The following SEC31A variants were observed in gnomAD, a reference collection of about 807,000 sequenced individuals.
SEC31A encodes SEC31 homolog A, COPII component, also known as protein transport protein Sec31A.
A neutral mutation model predicts 151.0 loss-of-function variants in SEC31A; 70 were observed. That is an observed-to-expected ratio of 0.46 (90% CI 0.38 to 0.57). The LOEUF is 0.57. SEC31A is among the 20% of genes least tolerant of loss of function. The probability of loss-of-function intolerance (pLI) is 0.00; values close to 1 mark genes in which losing one functional copy is unlikely to be tolerated. For missense variants in SEC31A, 1,330 were observed against 1,471.2 expected (o/e 0.90, Z 1.57); for synonymous variants, 475 against 505.9 (o/e 0.94, Z 0.82).
chr4:82,853,628 T>A lies in SEC31A; in HGVS notation c.2096A>T (p.Glu699Val). The A allele has an allele frequency of 6.2e-7, 1 of 1,605,302 alleles. No individual in the cohort carries two copies. The highest frequency in any genetic ancestry group is 8.5e-7 in the Non-Finnish European group (1 of 1,177,866). ...TTTAGTCCAACATGCAACTAATTTCTCTACATTCCCTGCACAAATATAGCA... is the reference window on the plus strand; with the variant it reads ...TTTAGTCCAACATGCAACTAATTTCACTACATTCCCTGCACAAATATAGCA... ...CLCYICAGNVEKLVACWTKAQ... is the reference protein window; with the variant it reads ...CLCYICAGNVVKLVACWTKAQ... The change falls in exon 18 of 27, where the codon GAG becomes GTG. Residue 699 changes from glutamate to valine, a missense_variant. Physicochemically the swap from Glu to Val is moderately radical, Grantham distance 121. Coordinates refer to ENST00000395310, the MANE Select transcript of SEC31A (RefSeq NM_001077207.4).
At position 82,864,409 on chromosome 4, in the gene SEC31A, C is replaced by G. The variant is rs778153099; in HGVS notation, c.1387G>C (p.Asp463His). The change falls in exon 11 of 27, where the codon GAT (aspartate) becomes CAT (histidine). Residue 463 changes from aspartate to histidine, a missense_variant. Physicochemically the swap from Asp to His is moderately conservative, Grantham distance 81. Transcript: ENST00000395310. ...GFINYCQKKIDASQTEFEKNV... is the reference protein window; with the variant it reads ...GFINYCQKKIHASQTEFEKNV... The stretch of plus-strand genomic sequence containing the variant: ...TTCTCAAATTCAGTCTGAGAAGCAT[C>G]AATTTTTTTTTGGCAATAATTGATA... The G allele has an allele frequency of 6.2e-7, 1 of 1,614,108 alleles. No homozygotes were observed. Among genetic ancestry groups the G allele is most frequent in the South Asian group, 1.1e-5 (1 of 91,074 alleles).
At position 82,863,396 on chromosome 4, in the gene SEC31A, T is replaced by TAA. The variant is rs745582044; in HGVS notation, c.1435-6_1435-5dup. 4 of 1,492,954 alleles carry TAA rather than the reference T, an allele frequency of 2.7e-6. No homozygotes were observed. Among genetic ancestry groups the TAA allele is most frequent in the Non-Finnish European group, 3.6e-6 (4 of 1,110,370 alleles). The allele number at this position is 1,492,954 out of a possible 1,614,324, so 92.5% of individuals were successfully genotyped here. A position where few individuals can be genotyped will look rare whatever the true frequency, so the allele number is the denominator to read the frequency against. ...GAGAATCATCCTCAAAGTTTACCTT[T>TAA]AAAAAAAAAGACATATTCTTAAAAC... On this transcript the variant is annotated splice_polypyrimidine_tract_variant and splice_region_variant and intron_variant, in intron 11 of 26. Transcript: ENST00000395310.
chr4:82,893,421 T>C (rs1578432135), upstream of SEC31A: 1 of 152,360 alleles, frequency 6.6e-6, no homozygotes, highest in Non-Finnish European at 1.5e-5. Flanking sequence ...AGTCTTGATG[T>C]CTGCAAAGAG....
At chr4:82,858,476 G>A (rs1179671205) in intron 14 of SEC31A, among the ~76,000 whole-genome samples, 7 of 147,370 alleles carry the variant, frequency 4.7e-5, no homozygotes, top group South Asian at 2.2e-4. Context: ...CCCAGGAGGC[G>A]GAGGTTGCAG....
chr4:82,854,502 T>G (rs908344159), intron 17 of SEC31A, among the ~76,000 whole-genome samples: 3 of 152,326 alleles, frequency 2.0e-5, no homozygotes, highest in African/African-American at 7.2e-5. Context: ...GCCACCAGTT[T>G]AGTCATGGCC....
In SEC31A at chr4:82,856,384, C is replaced by T. The variant is rs192518292; in HGVS notation, c.1881+568G>A. On this transcript the variant is annotated intron_variant, in intron 16 of 26. Transcript: ENST00000395310. ...CAGGCTGGTCTTGAACTCCTGACCT[C>T]GTGACCCCCCCACCTCTGCCTCCCA... Among the ~76,000 whole-genome samples the T allele has an allele frequency of 1.5e-4, 22 of 151,152 alleles. No individual in the cohort carries two copies. The East Asian group carries it at 2.6e-3, about 18-fold the overall frequency.
chr4:82,881,779 TAA>T, intron 2 of SEC31A, 77 bp downstream of exon 2: 1 of 1,087,866 alleles, frequency 9.2e-7, no homozygotes, highest in Non-Finnish European at 1.4e-6. Context: ...CTAGAGAAGA[TAA>T]AGCTTAAACT....
At chr4:82,851,724 T>A (rs1578230272) in intron 18 of SEC31A, 120 bp from the exon 19 acceptor site, 1 of 801,940 alleles carries the variant, frequency 1.2e-6, no homozygotes, top group Non-Finnish European at 1.9e-6. Context: ...CCTGTTATCA[T>A]CCCTCCTAGA....
rs56888042 is a variant in SEC31A, at chr4:82,837,199, A to ATAGATATATAT, written c.2968+4940_2968+4941insATATATATCTA. 1.5e-3 allele frequency among the ~76,000 whole-genome samples: 123 copies of ATAGATATATAT among 83,136 alleles called. 4 individuals carry two copies. The highest frequency in any genetic ancestry group is 2.7e-3 in the Non-Finnish European group (112 of 41,042). The allele number at this position is 83,136 out of a possible 152,430, so 54.5% of individuals were successfully genotyped here. The stretch of plus-strand genomic sequence containing the variant: ...TATATATATATATATATATATATAT[A>ATAGATATATAT]ATTTCACCACAATAAAAACTTTAAT... On this transcript the variant is annotated intron_variant, in intron 22 of 26. Transcript: ENST00000395310.
chr4:82,890,645 T>C, intron 1 of SEC31A: 1 of 698,798 alleles, frequency 1.4e-6, no homozygotes, highest in Non-Finnish European at 1.8e-6. Context: ...AGTTCAAACC[T>C]ATGAACCTTT....
intron 26 of SEC31A, among the ~76,000 whole-genome samples, chr4:82,820,677 T>C (rs1723126774): frequency 6.6e-6 from 1 of 152,208 alleles, no homozygotes; most frequent in African/African-American, 2.4e-5. Flanking sequence ...AGATTATAGA[T>C]TTAGTCCCTG....
chr4:82,877,492 C>T (rs1223853666), intron 4 of SEC31A: 1 of 151,854 alleles, frequency 6.6e-6, no homozygotes, highest in Non-Finnish European at 1.5e-5. Context: ...CATCAACCTA[C>T]CTCAGCCTCC....
intron 8 of SEC31A, among the ~76,000 whole-genome samples, chr4:82,869,964 G>A (rs908100682): frequency 2.0e-5 from 3 of 152,114 alleles, no homozygotes; most frequent in African/African-American, 7.2e-5. Context: ...CCTCAGGAAC[G>A]GTAAAGCAGG....
At chr4:82,861,809 G>A (rs1734179188) in intron 13 of SEC31A, 101 bp from the exon 14 acceptor site, 2 of 624,578 alleles carry the variant, frequency 3.2e-6, no homozygotes, top group Admixed American at 2.9e-5. Flanking sequence ...AACATTCAGA[G>A]CTAGTTTAAT....
chr4:82,848,727 C>T (rs888653466), intron 20 of SEC31A, 77 bp downstream of exon 20: 5 of 1,293,514 alleles, frequency 3.9e-6, no homozygotes, highest in Non-Finnish European at 5.4e-6. Flanking sequence ...AGAAGGTCTC[C>T]TGCTGAACAA....
intron 20 of SEC31A, 24 bp downstream of exon 20, chr4:82,848,780 C>T: frequency 6.3e-7 from 1 of 1,577,874 alleles, no homozygotes; most frequent in South Asian, 1.2e-5. Flanking sequence ...AGTGTTCCTA[C>T]TTCATCTGGA....
chr4:82,880,746 C>A, intron 3 of SEC31A, 53 bp downstream of exon 3: 1 of 1,475,652 alleles, frequency 6.8e-7, no homozygotes, highest in South Asian at 1.3e-5. Flanking sequence ...AATTAGGAAT[C>A]AAGAACAATA....
intron 14 of SEC31A, among the ~76,000 whole-genome samples, chr4:82,859,314 T>G (rs1435749084): frequency 6.6e-6 from 1 of 152,194 alleles, no homozygotes; most frequent in Non-Finnish European, 1.5e-5. Context: ...CAAGACTGAT[T>G]AAAAATAAAC....
upstream of SEC31A, chr4:82,893,836 C>T (rs777931131): frequency 3.3e-5 from 5 of 152,224 alleles, no homozygotes; most frequent in Admixed American, 6.5e-5. Context: ...TTTAGTCCAT[C>T]CCTAAAGAAC....
Sources: allele counts gnomAD v4.1 joint callset (sites outside exome capture counted in the v4.1 genomes callset), GRCh38; gene constraint gnomAD v4.1.1; transcripts MANE v1.5; gene names NCBI Gene and HGNC (gene_info 2026-07-23, HGNC 2026-07-21).